Variants in CFAP53 observed in about 807,000 individuals in gnomAD.
The protein encoded by CFAP53 is cilia- and flagella-associated protein 53.
Under a neutral mutation model 59.7 loss-of-function variants are expected in CFAP53, and 62 were observed. That is an observed-to-expected ratio of 1.04 (90% CI 0.85 to 1.28). CFAP53 has a LOEUF of 1.28. CFAP53 is among the 50% of genes most tolerant of loss of function. CFAP53 has a pLI of 0.00. For synonymous variants in CFAP53, 218 were observed against 205.7 expected (o/e 1.06, Z -0.51); for missense variants, 629 against 615.6 (o/e 1.02, Z -0.23).
intron 7 of CFAP53, among the ~76,000 whole-genome samples, chr18:50,228,790 T>G (rs1345149810): frequency 6.6e-6 from 1 of 151,394 alleles, no homozygotes; most frequent in Non-Finnish European, 1.5e-5. Context: ...AAACTCCATC[T>G]CAAAAACAAA....
chr18:50,229,666 C>T (rs112316802), intron 7 of CFAP53, among the ~76,000 whole-genome samples: 30 of 151,728 alleles, frequency 2.0e-4, no homozygotes, highest in African/African-American at 7.0e-4. Flanking sequence ...ATACTGTTTT[C>T]CATAATGGTT....
At chr18:50,232,560 G>A (rs962665469) in intron 7 of CFAP53, among the ~76,000 whole-genome samples, 6 of 152,170 alleles carry the variant, frequency 3.9e-5, no homozygotes, top group African/African-American at 1.4e-4. Context: ...AGCCCTGCCT[G>A]GCTTACTCTC....
intron 7 of CFAP53, among the ~76,000 whole-genome samples, chr18:50,233,067 A>G (rs2144402226): frequency 6.6e-6 from 1 of 152,326 alleles, no homozygotes; most frequent in South Asian, 2.1e-4. Flanking sequence ...AACCTGCACT[A>G]TAAAGTTAAG....
intron 5 of CFAP53, among the ~76,000 whole-genome samples, chr18:50,244,122 G>A (rs1312956401): frequency 6.6e-6 from 1 of 152,210 alleles, no homozygotes; most frequent in East Asian, 1.9e-4. Context: ...CCATGTTGCA[G>A]TAACTATCCA....
In CFAP53 at chr18:50,251,795, A is replaced by C; in HGVS notation, c.474-11T>G. The C allele has an allele frequency of 6.2e-7, 1 of 1,609,892 alleles. No homozygotes were observed. The highest frequency in any genetic ancestry group is 8.5e-7 in the Non-Finnish European group (1 of 1,177,612). ...TCCTCACAGCGTTCCCTGAAAGGAA[A>C]ATTTTAAAAAGACAAAACCCAGCCT... On this transcript the variant is annotated splice_polypyrimidine_tract_variant and intron_variant, in intron 3 of 7. Coordinates refer to ENST00000398545, the MANE Select transcript of CFAP53 (RefSeq NM_145020.5).
chr18:50,266,484 A>T lies in CFAP53; in HGVS notation c.-80T>A. The T allele has an allele frequency of 7.1e-7, 1 of 1,412,660 alleles. No homozygotes were observed. Among genetic ancestry groups the T allele is most frequent in the Non-Finnish European group, 1.0e-6 (1 of 996,824 alleles). The allele number at this position is 1,412,660 out of a possible 1,614,324, so 87.5% of individuals were successfully genotyped here. A position where few individuals can be genotyped will look rare whatever the true frequency, so the allele number is the denominator to read the frequency against. On this transcript the variant is annotated 5_prime_UTR_variant, in exon 1 of 8. Coordinates refer to ENST00000398545, the MANE Select transcript of CFAP53 (RefSeq NM_145020.5). ...GCGACCTGCGGGACCCGCTTCCGCG[A>T]CGCAGAAGTCTGGTTGCCATGGTGC... is the stretch of plus-strand genomic sequence containing the variant.
At chr18:50,240,067 C>G (rs1411492135) in intron 6 of CFAP53, among the ~76,000 whole-genome samples, 1 of 152,162 alleles carries the variant, frequency 6.6e-6, no homozygotes, top group Non-Finnish European at 1.5e-5. Flanking sequence ...ATCAACTGCT[C>G]CACCCTGACT....
rs1555671379 is a variant in CFAP53 at position 50,237,329 on chromosome 18, A to AATAT, written c.1316+1270_1316+1273dup. The stretch of plus-strand genomic sequence containing the variant: ...CAAAAAAAAAAAAAAAAAAAAAAAA[A>AATAT]ATATATATATATATATATATATACG... On this transcript the variant is annotated intron_variant, in intron 7 of 7. Transcript: ENST00000398545. Among the ~76,000 whole-genome samples, 11 of 6,346 alleles carry AATAT rather than the reference A, an allele frequency of 1.7e-3. No homozygotes were observed. The East Asian group carries it at 0.045, about 26-fold the overall frequency. 4.2% of individuals were successfully genotyped at this position (6,346 alleles called of 152,430 possible). A position where few individuals can be genotyped will look rare whatever the true frequency, so the allele number is the denominator to read the frequency against.
intron 7 of CFAP53, among the ~76,000 whole-genome samples, chr18:50,229,623 T>C (rs2033559891): frequency 1.3e-5 from 2 of 152,192 alleles, no homozygotes; most frequent in African/African-American, 2.4e-5. Context: ...GATTATGTAG[T>C]AGTTTTAATA....
At chr18:50,265,798 G>A (rs2033953541) in intron 1 of CFAP53, among the ~76,000 whole-genome samples, 1 of 152,204 alleles carries the variant, frequency 6.6e-6, no homozygotes, top group South Asian at 2.1e-4. Flanking sequence ...GTTTTTCCCA[G>A]GTCTGAAGGG....
At chr18:50,231,505 C>T (rs1365534339) in intron 7 of CFAP53, among the ~76,000 whole-genome samples, 1 of 152,216 alleles carries the variant, frequency 6.6e-6, no homozygotes, top group Non-Finnish European at 1.5e-5. Context: ...GCTGGAGCTA[C>T]CTACACTCCT....
Position 50,238,021 on chromosome 18 carries a change from T to C in CFAP53, c.1316+582A>G, listed in dbSNP as rs114980415. Among the ~76,000 whole-genome samples the C allele has an allele frequency of 4.0e-3, 603 of 152,302 alleles. 2 individuals carry two copies. The highest frequency in any genetic ancestry group is 0.014 in the African/African-American group (570 of 41,550). ...TAAGGTTGGTGCCAATTTTTTTAAG[T>C]GTTTCAAATTTATTTTATTTTTAAA... On this transcript the variant is annotated intron_variant, in intron 7 of 7. Coordinates refer to ENST00000398545, the MANE Select transcript of CFAP53 (RefSeq NM_145020.5).
At chr18:50,235,430 G>T (rs1213061099) in intron 7 of CFAP53, among the ~76,000 whole-genome samples, 1 of 152,074 alleles carries the variant, frequency 6.6e-6, no homozygotes, top group Non-Finnish European at 1.5e-5. Context: ...AGCTGGGCGT[G>T]GTGGCATGCG....
At chr18:50,260,928 TA>T in intron 3 of CFAP53, 135 bp downstream of exon 3, 1 of 765,276 alleles carries the variant, frequency 1.3e-6, no homozygotes, top group Non-Finnish European at 2.1e-6. Context: ...CAATGATATG[TA>T]ATATATTGCC....
rs993129216 is a variant in CFAP53, at chr18:50,250,634, G to A, written c.996+124C>T. 5.6e-6 allele frequency: 4 copies of A among 717,486 alleles called. No homozygotes were observed. The African/African-American group carries it at 7.1e-5, about 13-fold the overall frequency. The allele number at this position is 717,486 out of a possible 1,614,324, so 44.4% of individuals were successfully genotyped here. A position where few individuals can be genotyped will look rare whatever the true frequency, so the allele number is the denominator to read the frequency against. On this transcript the variant is annotated intron_variant, in intron 5 of 7. Coordinates refer to ENST00000398545, the MANE Select transcript of CFAP53 (RefSeq NM_145020.5). The stretch of plus-strand genomic sequence containing the variant: ...TAACATTTTCCCAGATGGTGCTGAT[G>A]CTGTTGGCTTGTGGACCACACTCAG...
At chr18:50,238,956 G>T (rs996822704) in intron 6 of CFAP53, among the ~76,000 whole-genome samples, 1 of 151,562 alleles carries the variant, frequency 6.6e-6, no homozygotes, top group South Asian at 2.1e-4. Context: ...TTTCATACCA[G>T]ATTACTAATG....
chr18:50,242,930 A>C lies in CFAP53; in HGVS notation c.1183T>G (p.Cys395Gly), dbSNP rs771723710. The C allele has an allele frequency of 1.8e-5, 29 of 1,613,686 alleles. No individual in the cohort carries two copies. In the South Asian group the frequency reaches 3.1e-4, roughly 17 times the overall value. Residue 395 changes from cysteine (C) to glycine (G), a missense_variant, in exon 6 of 8, where the codon TGT (cysteine) becomes GGT (glycine). Transcript: ENST00000398545. ...ARRQLVDEVM[C>G]TRKLQVQEKL... Reference sequence around the variant, plus strand: ...TCTTGAACTTGAAGTTTTCTTGTACACATGACCTCATCCACAAGCTGTCTC... The same window carrying C: ...TCTTGAACTTGAAGTTTTCTTGTACCCATGACCTCATCCACAAGCTGTCTC...
chr18:50,246,934 G>T (rs528273267), intron 5 of CFAP53, among the ~76,000 whole-genome samples: 1 of 152,146 alleles, frequency 6.6e-6, no homozygotes, highest in Admixed American at 6.5e-5. Flanking sequence ...TGTAATCCCA[G>T]CAACTCAGAA....
chr18:50,229,792 A>G (rs1040083985), intron 7 of CFAP53, among the ~76,000 whole-genome samples: 10 of 145,054 alleles, frequency 6.9e-5, no homozygotes, highest in African/African-American at 2.3e-4. Context: ...GCTGGAGTAC[A>G]CTACTGGCAC....
Sources: allele counts gnomAD v4.1 joint callset (sites outside exome capture counted in the v4.1 genomes callset), GRCh38; gene constraint gnomAD v4.1.1; transcripts MANE v1.5; gene names NCBI Gene and HGNC (gene_info 2026-07-23, HGNC 2026-07-21).